The following IL4 variants were observed in gnomAD, a reference collection of about 807,000 sequenced individuals.
IL4 encodes the protein interleukin-4.
IL4 carries 10 observed loss-of-function variants against 17.4 expected under a neutral mutation model. That is an observed-to-expected ratio of 0.57 (90% CI 0.35 to 0.97). The LOEUF (loss-of-function observed/expected upper bound fraction) is 0.97. Ranked by LOEUF, IL4 falls within the 50% of genes least tolerant of loss-of-function variation. IL4 has a pLI of 0.01. For missense variants in IL4, 174 were observed against 187.7 expected, an observed-to-expected ratio of 0.93 and a Z score of 0.43; for synonymous variants, 87 against 79.0, an observed-to-expected ratio of 1.10 and a Z score of -0.54.
At position 132,678,472 on chromosome 5, in the gene IL4, C is replaced by A. The variant is rs533757548; in HGVS notation, c.184-1242C>A. 3.3e-5 allele frequency among the ~76,000 whole-genome samples: 5 copies of A among 152,202 alleles called. No homozygotes were observed. The East Asian group carries it at 7.7e-4, about 23-fold the overall frequency. On this transcript the variant is annotated intron_variant, in intron 2 of 3. Coordinates refer to ENST00000231449, the MANE Select transcript of IL4 (RefSeq NM_000589.4). ...ATGTATTTTTGTTGAATATATGTTACCTTTATAGTAAATATATGTTATCTT... is the reference window on the plus strand; with the variant it reads ...ATGTATTTTTGTTGAATATATGTTAACTTTATAGTAAATATATGTTATCTT...
Position 132,680,326 on chromosome 5 carries a change from G to A in IL4, c.360+436G>A, listed in dbSNP as rs1020609617. 3.3e-5 allele frequency among the ~76,000 whole-genome samples: 5 copies of A among 152,188 alleles called. No homozygotes were observed. The highest frequency in any genetic ancestry group is 1.2e-4 in the African/African-American group (5 of 41,430). ...CATTCCAGGCAGAAGGAGGAGGTAT[G>A]CAAAGGCCTTAGGATGGAAATGAAC... On this transcript the variant is annotated intron_variant, in intron 3 of 3. Coordinates refer to ENST00000231449, the MANE Select transcript of IL4 (RefSeq NM_000589.4). This position sits in a 1 kb window ranked among gnomAD's most constrained non-coding sequence, Gnocchi z 4.3.
Position 132,680,430 on chromosome 5 carries a change from C to T in IL4, c.360+540C>T, listed in dbSNP as rs147153789. Among the ~76,000 whole-genome samples the T allele has an allele frequency of 7.2e-5, 11 of 152,310 alleles. No homozygotes were observed. In the East Asian group the frequency reaches 2.1e-3, roughly 29 times the overall value. ...GAGTGAGGGGTAGTTTCCAGGACAG[C>T]AGATCACACAAGGCCTTTAGATTCC... On this transcript the variant is annotated intron_variant, in intron 3 of 3. Transcript: ENST00000231449. This position sits in a 1 kb window ranked among gnomAD's most constrained non-coding sequence, Gnocchi z 4.3.
At position 132,674,313 on chromosome 5, in the gene IL4, C is replaced by T. The variant is rs549861948; in HGVS notation, c.135+128C>T. 4.5e-6 allele frequency: 6 copies of T among 1,340,524 alleles called. No homozygotes were observed. In the African/African-American group the frequency reaches 5.8e-5, roughly 13 times the overall value. The allele number at this position is 1,340,524 out of a possible 1,614,324, so 83.0% of individuals were successfully genotyped here. On this transcript the variant is annotated intron_variant, in intron 1 of 3. Coordinates refer to ENST00000231449, the MANE Select transcript of IL4 (RefSeq NM_000589.4). The stretch of plus-strand genomic sequence containing the variant: ...GTTGGTGGCAGTCCAGGGCACACAG[C>T]GAGGCTTCTCCCCTGCCACTCTTTT...
rs28478089 is a variant in IL4, at chr5:132,681,989, G to A, written c.361-497G>A. On this transcript the variant is annotated intron_variant, in intron 3 of 3. Coordinates refer to ENST00000231449, the MANE Select transcript of IL4 (RefSeq NM_000589.4). ...AATACAATTAATAAATGGTAGAGCTGAGATTCAAACTGAAGCAGTGGCCTG... is the reference window on the plus strand; with the variant it reads ...AATACAATTAATAAATGGTAGAGCTAAGATTCAAACTGAAGCAGTGGCCTG... Among the ~76,000 whole-genome samples, 271 of 152,306 alleles carry A rather than the reference G, an allele frequency of 1.8e-3. 1 individual carries two copies. Among genetic ancestry groups the A allele is most frequent in the African/African-American group, 6.4e-3 (265 of 41,554 alleles).
chr5:132,677,795 GCCCA>G (rs1293400374), intron 2 of IL4: 3 of 152,140 alleles, frequency 2.0e-5, no homozygotes, highest in African/African-American at 7.2e-5. Context: ...ATGCATGTCT[GCCCA>G]CCTCCAGACA....
rs1224266769 is a variant in IL4, at chr5:132,679,924, C to T, written c.360+34C>T. On this transcript the variant is annotated intron_variant, in intron 3 of 3. Transcript: ENST00000231449. ...CACTGTATTCCTGGCAAGCCGGCCGCGTGGCTCCTGGTGGACAGCAGCCTC... is the reference window on the plus strand; with the variant it reads ...CACTGTATTCCTGGCAAGCCGGCCGTGTGGCTCCTGGTGGACAGCAGCCTC... 6 of 1,575,264 alleles carry T rather than the reference C, an allele frequency of 3.8e-6. No individual in the cohort carries two copies. In the Middle Eastern group the frequency reaches 5.5e-4, roughly 143 times the overall value.
chr5:132,679,780 GAGA>G lies in IL4; in HGVS notation c.253_255del (p.Lys85del), dbSNP rs746758811. On this transcript the variant is annotated inframe_deletion, in exon 3 of 4. Coordinates refer to ENST00000231449, the MANE Select transcript of IL4 (RefSeq NM_000589.4). ...GCTCCGGCAGTTCTACAGCCACCAT[GAGA>G]AGGACACTCGCTGCCTGGGTGCGAC... 2.2e-5 allele frequency: 35 copies of G among 1,614,036 alleles called. 1 individual carries two copies. The highest frequency in any genetic ancestry group is 1.1e-4 in the East Asian group (5 of 44,904).
In IL4 at chr5:132,682,635, T is replaced by C. The variant is rs1374387953; in HGVS notation, c.*48T>C. ...GATAGCTTTATTTTTTAAGTATTTA[T>C]ATATTTATAACTCATCATAAAATAA... On this transcript the variant is annotated 3_prime_UTR_variant, in exon 4 of 4. Transcript: ENST00000231449. 1 of 937,114 alleles carries C rather than the reference T, an allele frequency of 1.1e-6. No individual in the cohort carries two copies. Among genetic ancestry groups the C allele is most frequent in the Admixed American group, 2.3e-5 (1 of 42,666 alleles). The allele number at this position is 937,114 out of a possible 1,614,324, so 58.0% of individuals were successfully genotyped here. A position where few individuals can be genotyped will look rare whatever the true frequency, so the allele number is the denominator to read the frequency against.
At chr5:132,676,019 T>G (rs866259196) in intron 2 of IL4, among the ~76,000 whole-genome samples, 23 of 151,182 alleles carry the variant, frequency 1.5e-4, no homozygotes, top group Middle Eastern at 6.8e-3. Context: ...TCCACCGGGT[T>G]GAGCACTGGG....
chr5:132,675,845 GTTTA>G (rs1326140702), intron 2 of IL4, among the ~76,000 whole-genome samples: 73 of 93,598 alleles, frequency 7.8e-4, no homozygotes, highest in African/African-American at 2.4e-3. Flanking sequence ...CTGGGCAACA[GTTTA>G]TGTGTGTGTG....
chr5:132,675,013 G>A lies in IL4; in HGVS notation c.183+507G>A, dbSNP rs987664847. ...CACCTAACAGCCCTCTGGGTTCCGGGGCTGGCCGTCCAGAGCTCCTCAGCT... is the reference window on the plus strand; with the variant it reads ...CACCTAACAGCCCTCTGGGTTCCGGAGCTGGCCGTCCAGAGCTCCTCAGCT... On this transcript the variant is annotated intron_variant, in intron 2 of 3. Transcript: ENST00000231449. Among the ~76,000 whole-genome samples the A allele has an allele frequency of 2.6e-5, 4 of 152,148 alleles. No individual in the cohort carries two copies. In the South Asian group the frequency reaches 8.3e-4, roughly 32 times the overall value.
chr5:132,674,522 A>T lies in IL4; in HGVS notation c.183+16A>T. On this transcript the variant is annotated intron_variant, in intron 2 of 3. Transcript: ENST00000231449. Reference sequence around the variant, plus strand: ...TGCCTCCAAGGTAAGAAGCCGTCCCACGGTCTGTTTTAGCAAATGGGGAGA... The same window carrying T: ...TGCCTCCAAGGTAAGAAGCCGTCCCTCGGTCTGTTTTAGCAAATGGGGAGA... 6.2e-7 allele frequency: 1 copy of T among 1,611,328 alleles called. No homozygotes were observed. Among genetic ancestry groups the T allele is most frequent in the Non-Finnish European group, 8.5e-7 (1 of 1,177,450 alleles).
At chr5:132,674,972 T>C (rs1051427028) in intron 2 of IL4, among the ~76,000 whole-genome samples, 4 of 152,234 alleles carry the variant, frequency 2.6e-5, no homozygotes, top group African/African-American at 7.2e-5. Context: ...GAGCCCCTCC[T>C]CTTCCACAGC....
chr5:132,675,740 G>A (rs1752364011), intron 2 of IL4, among the ~76,000 whole-genome samples: 1 of 151,886 alleles, frequency 6.6e-6, no homozygotes, highest in South Asian at 2.1e-4. Flanking sequence ...TGTAGAGATG[G>A]AGTCTTGCCA....
intron 2 of IL4, among the ~76,000 whole-genome samples, chr5:132,675,917 A>ATG (rs1321831614): frequency 2.5e-5 from 2 of 80,070 alleles, no homozygotes; most frequent in African/African-American, 1.4e-4. Flanking sequence ...GTATGTATAT[A>ATG]TGTGTATGTA....
Position 132,679,702 on chromosome 5 carries a change from TTG to T in IL4, c.184-10_184-9del. On this transcript the variant is annotated splice_polypyrimidine_tract_variant and intron_variant, in intron 2 of 3. Transcript: ENST00000231449. Reference sequence around the variant, plus strand: ...GCTGGCACATTGCTATCTGTGGCATTTGTCTTTCCAGAACACAACTGAGAAGG... The same window carrying T: ...GCTGGCACATTGCTATCTGTGGCATTTCTTTCCAGAACACAACTGAGAAGG... 6.2e-7 allele frequency: 1 copy of T among 1,600,622 alleles called. No individual in the cohort carries two copies. Among genetic ancestry groups the T allele is most frequent in the East Asian group, 2.2e-5 (1 of 44,648 alleles).
chr5:132,673,995 A>C lies in IL4; in HGVS notation c.-56A>C. 6.5e-7 allele frequency: 1 copy of C among 1,548,846 alleles called. No individual in the cohort carries two copies. The highest frequency in any genetic ancestry group is 1.1e-5 in the South Asian group (1 of 89,364). The stretch of plus-strand genomic sequence containing the variant: ...ATATCTTTGTCAGCATTGCATCGTT[A>C]GCTTCTCCTGATAAACTAATTGCCT... On this transcript the variant is annotated 5_prime_UTR_variant, in exon 1 of 4. Transcript: ENST00000231449.
chr5:132,682,438 C>T (rs1752505427), intron 3 of IL4, 48 bp from the exon 4 acceptor site: 1 of 1,135,394 alleles, frequency 8.8e-7, no homozygotes, highest in Non-Finnish European at 1.3e-6. Context: ...GACAGGCAGG[C>T]AAGACAAATG....
chr5:132,675,903 GTGTGTATGTATATA>G (rs1031944718), intron 2 of IL4, among the ~76,000 whole-genome samples: 6 of 131,592 alleles, frequency 4.6e-5, no homozygotes, highest in Middle Eastern at 3.6e-3. Context: ...GTATATATAT[GTGTGTATGTATATA>G]TGTGTATGTA....
Sources: allele counts gnomAD v4.1 joint callset (sites outside exome capture counted in the v4.1 genomes callset), GRCh38; gene constraint gnomAD v4.1.1; non-coding constraint Gnocchi (gnomAD v3.1); transcripts MANE v1.5; gene names NCBI Gene and HGNC (gene_info 2026-07-23, HGNC 2026-07-21).